Variants in CUX2 observed in about 807,000 individuals in gnomAD.
CUX2 encodes homeobox protein cut-like 2.
CUX2 carries 40 observed loss-of-function variants against 144.8 expected under a neutral mutation model. That is an observed-to-expected ratio of 0.28 (90% confidence interval 0.21 to 0.36). The LOEUF (loss-of-function observed/expected upper bound fraction) is 0.36, where lower values mean the gene tolerates loss of function less well. Ranked by LOEUF, CUX2 falls within the 10% of genes least tolerant of loss-of-function variation. The pLI, the probability that CUX2 is intolerant of heterozygous loss-of-function variation, is 1.00. For missense variants in CUX2, 1,615 were observed against 1,994.0 expected (o/e 0.81, Z 3.62); for synonymous variants, 827 against 875.6 (o/e 0.94, Z 0.98).
intron 1 of CUX2, among the ~76,000 whole-genome samples, chr12:111,046,204 C>T (rs1467247733): frequency 1.3e-5 from 2 of 152,232 alleles, no homozygotes; most frequent in Non-Finnish European, 2.9e-5. Context: ...GACAGGAGGT[C>T]AGGCCTCCCT....
chr12:111,214,572 C>A (rs928377616), intron 2 of CUX2, among the ~76,000 whole-genome samples: 1 of 152,184 alleles, frequency 6.6e-6, no homozygotes, highest in Admixed American at 6.5e-5. Context: ...TTTCCCCCAA[C>A]ATTCATATCC....
rs1887607858 is a variant in CUX2 at position 111,322,986 on chromosome 12, C to T, written c.2926+406C>T. 1.3e-5 allele frequency among the ~76,000 whole-genome samples: 2 copies of T among 152,222 alleles called. No individual in the cohort carries two copies. The highest frequency in any genetic ancestry group is 4.8e-5 in the African/African-American group (2 of 41,464). On this transcript the variant is annotated intron_variant, in intron 18 of 21. Coordinates refer to ENST00000261726, the MANE Select transcript of CUX2 (RefSeq NM_015267.4). The surrounding 1 kb of genome is among the most constrained non-coding windows in gnomAD (Gnocchi z 4.2). ...CTCCTTCTTAGCACAGGGCCTTGGG[C>T]AGTGCCACCCAGCTGCCCATGATAG...
At chr12:111,282,756 C>T (rs2136317332) in intron 4 of CUX2, among the ~76,000 whole-genome samples, 1 of 152,266 alleles carries the variant, frequency 6.6e-6, no homozygotes, top group South Asian at 2.1e-4. Flanking sequence ...AGTAGAACCT[C>T]CCTTCCTGGC....
rs1884231481 is a variant in CUX2, at chr12:111,263,509, C to G, written c.223-252C>G. On this transcript the variant is annotated intron_variant, in intron 3 of 21. Coordinates refer to ENST00000261726, the MANE Select transcript of CUX2 (RefSeq NM_015267.4). The surrounding 1 kb of genome is among the most constrained non-coding windows in gnomAD (Gnocchi z 4.0). The stretch of plus-strand genomic sequence containing the variant: ...TAGTGGTAGCAGGCACCTGTAATCC[C>G]AGCTACTCAGGAGGCTGAGGCAGAA... 6.6e-6 allele frequency among the ~76,000 whole-genome samples: 1 copy of G among 152,122 alleles called. No individual in the cohort carries two copies. Among genetic ancestry groups the G allele is most frequent in the East Asian group, 1.9e-4 (1 of 5,198 alleles).
chr12:111,325,086 C>T (rs1453455582), intron 18 of CUX2, among the ~76,000 whole-genome samples: 1 of 150,786 alleles, frequency 6.6e-6, no homozygotes, highest in Non-Finnish European at 1.5e-5. Context: ...GAGATTGAGA[C>T]CATCCTGGCT....
At chr12:111,302,412 A>G (rs1417709428) in intron 9 of CUX2, among the ~76,000 whole-genome samples, 1 of 152,186 alleles carries the variant, frequency 6.6e-6, no homozygotes. Context: ...GAACAACCCT[A>G]TGAGATAGTT....
At chr12:111,248,295 C>G (rs1054048491) in intron 3 of CUX2, among the ~76,000 whole-genome samples, 2 of 152,204 alleles carry the variant, frequency 1.3e-5, no homozygotes, top group Non-Finnish European at 2.9e-5. Flanking sequence ...CAGAGTGTTC[C>G]AGGAAAGCTG....
rs1888444364 is a variant in CUX2 at position 111,338,327 on chromosome 12, G to A, written c.3238G>A (p.Gly1080Ser). The change falls in exon 20 of 22, where the codon GGC becomes AGC. Residue 1080 changes from glycine (G) to serine (S), a missense_variant. Coordinates refer to ENST00000261726, the MANE Select transcript of CUX2 (RefSeq NM_015267.4). ...FGESILGLTQGSVSDLLSRPK... is the reference protein window; with the variant it reads ...FGESILGLTQSSVSDLLSRPK... ...GGAAAGCATCCTGGGTCTGACACAG[G>A]GCTCCGTGTCTGACCTGCTGTCCCG... The A allele has an allele frequency of 3.7e-6, 6 of 1,613,578 alleles. No individual in the cohort carries two copies. Among genetic ancestry groups the A allele is most frequent in the Non-Finnish European group, 5.1e-6 (6 of 1,179,868 alleles).
chr12:111,209,932 CGCCGGGCTCCGGGCTGTCTGTCTGCT>C (rs552097593), intron 1 of CUX2, among the ~76,000 whole-genome samples: 115 of 152,294 alleles, frequency 7.6e-4, no homozygotes, highest in Admixed American at 1.2e-3. Context: ...GAATGGTCTG[CGCCGGGCTCCGGGCTGTCTGTCTGCT>C]GCTGATGGCC....
At chr12:111,336,458 G>GTGTGTT in intron 19 of CUX2, among the ~76,000 whole-genome samples, 1 of 144,930 alleles carries the variant, frequency 6.9e-6, no homozygotes, top group South Asian at 2.2e-4. Context: ...GTGTGTGTGT[G>GTGTGTT]TTTAAGATGG....
intron 1 of CUX2, among the ~76,000 whole-genome samples, chr12:111,091,461 C>T (rs1316341965): frequency 2.6e-5 from 4 of 152,128 alleles, no homozygotes; most frequent in African/African-American, 4.8e-5. Context: ...ATCAGGCCAT[C>T]GAGGGGTGCA....
At chr12:111,256,141 C>T (rs1883806724) in intron 3 of CUX2, among the ~76,000 whole-genome samples, 1 of 152,152 alleles carries the variant, frequency 6.6e-6, no homozygotes, top group East Asian at 1.9e-4. Flanking sequence ...CGCTCCTCTC[C>T]ACGGCCCATC....
At position 111,320,248 on chromosome 12, in the gene CUX2, CAGG is replaced by C. The variant is rs768869873; in HGVS notation, c.2246_2248del (p.Glu749del). On this transcript the variant is annotated inframe_deletion, in exon 17 of 22. Transcript: ENST00000261726. This position sits in a 1 kb window ranked among gnomAD's most constrained non-coding sequence, Gnocchi z 8.1. ...GAACGGGGCCCCGGCCTTGGTGAAG[CAGG>C]AGGAGGGCAGCGGGGGCCCCGCGCA... 8 of 1,584,500 alleles carry C rather than the reference CAGG, an allele frequency of 5.0e-6. No homozygotes were observed. In the South Asian group the frequency reaches 6.7e-5, roughly 13 times the overall value.
At chr12:111,200,825 T>C (rs563690870) in intron 1 of CUX2, among the ~76,000 whole-genome samples, 16 of 152,208 alleles carry the variant, frequency 1.1e-4, no homozygotes, top group African/African-American at 3.9e-4. Context: ...ATTTTCTCTT[T>C]ATGAATGCTT....
chr12:111,120,057 C>CA lies in CUX2; in HGVS notation c.63+85828dup, dbSNP rs559305532. 3.3e-3 allele frequency among the ~76,000 whole-genome samples: 489 copies of CA among 148,866 alleles called. 2 individuals carry two copies. Among genetic ancestry groups the CA allele is most frequent in the African/African-American group, 0.011 (466 of 40,710 alleles). ...TGGGCGACAGAGTGAGACTCCATCT[C>CA]AAAAAAAAAAATTTTTTTTAAACAT... On this transcript the variant is annotated intron_variant, in intron 1 of 21. Transcript: ENST00000261726.
chr12:111,212,130 A>G (rs1881268999), intron 1 of CUX2, among the ~76,000 whole-genome samples: 1 of 152,018 alleles, frequency 6.6e-6, no homozygotes, highest in Admixed American at 6.6e-5. Context: ...ACCTTTGTCT[A>G]TTGCTGCAAA....
At chr12:111,242,068 G>C (rs1306342922) in intron 3 of CUX2, among the ~76,000 whole-genome samples, 1 of 152,242 alleles carries the variant, frequency 6.6e-6, no homozygotes, top group Admixed American at 6.5e-5. Flanking sequence ...TGTGCCAGAT[G>C]CTGTTCTAAG....
chr12:111,217,869 C>T (rs2136229115), intron 2 of CUX2, 21 bp from the exon 3 acceptor site: 1 of 1,614,080 alleles, frequency 6.2e-7, no homozygotes, highest in East Asian at 2.2e-5. Flanking sequence ...GTAGTGAACT[C>T]TTTGCTGATC....
intron 4 of CUX2, among the ~76,000 whole-genome samples, chr12:111,286,971 G>T (rs957271360): frequency 6.6e-6 from 1 of 152,168 alleles, no homozygotes; most frequent in Non-Finnish European, 1.5e-5. Flanking sequence ...CCCTGAGCTG[G>T]ACTTTGGATT....
Sources: allele counts gnomAD v4.1 joint callset (sites outside exome capture counted in the v4.1 genomes callset), GRCh38; gene constraint gnomAD v4.1.1; non-coding constraint Gnocchi (gnomAD v3.1); transcripts MANE v1.5; gene names NCBI Gene and HGNC (gene_info 2026-07-23, HGNC 2026-07-21).